The following MICU2 variants were observed in gnomAD, a reference collection of about 807,000 sequenced individuals.
The protein encoded by MICU2 is mitochondrial calcium uptake 2, also known as calcium uptake protein 2, mitochondrial.
MICU2 carries 64 observed loss-of-function variants against 60.4 expected under a neutral mutation model. The ratio of observed to expected loss-of-function variants is 1.06; its 90% CI spans 0.87 to 1.31. The LOEUF is 1.31. Among genes scored for constraint, MICU2 ranks in the 50% most tolerant of loss-of-function variants. MICU2 has a pLI of 0.00. For synonymous variants in MICU2, 201 were observed against 175.0 expected, an observed-to-expected ratio of 1.15 and a Z score of -1.17; for missense variants, 569 against 531.0, an observed-to-expected ratio of 1.07 and a Z score of -0.70.
At chr13:21,550,631 T>G (rs548231836) in intron 2 of MICU2, among the ~76,000 whole-genome samples, 4 of 152,310 alleles carry the variant, frequency 2.6e-5, no homozygotes, top group African/African-American at 4.8e-5. Context: ...AAGCTAGATA[T>G]AGAAAATATT....
chr13:21,591,807 C>T (rs995175547), intron 1 of MICU2, among the ~76,000 whole-genome samples: 25 of 152,090 alleles, frequency 1.6e-4, no homozygotes, highest in African/African-American at 5.8e-4. Context: ...GAGAAATCAA[C>T]AAGTTCTTTG....
intron 9 of MICU2, among the ~76,000 whole-genome samples, chr13:21,501,288 A>G (rs1027049883): frequency 1.3e-5 from 2 of 150,852 alleles, no homozygotes; most frequent in African/African-American, 4.9e-5. Context: ...TTTGACACAG[A>G]GTCTTGCTCT....
intron 2 of MICU2, among the ~76,000 whole-genome samples, chr13:21,561,079 A>C (rs1302835833): frequency 6.6e-6 from 1 of 152,170 alleles, no homozygotes; most frequent in Admixed American, 6.5e-5. Flanking sequence ...TGTGTCATTT[A>C]ATTTCCAAAT....
At chr13:21,562,550 A>T (rs1219456047) in intron 2 of MICU2, among the ~76,000 whole-genome samples, 1 of 152,076 alleles carries the variant, frequency 6.6e-6, no homozygotes, top group Admixed American at 6.6e-5. Context: ...TATTAAAAAT[A>T]TTTTTTTAGT....
At chr13:21,543,602 T>G (rs1276699709) in intron 2 of MICU2, among the ~76,000 whole-genome samples, 2 of 151,940 alleles carry the variant, frequency 1.3e-5, no homozygotes, top group Non-Finnish European at 2.9e-5. Context: ...TGGGAATAAA[T>G]TTAACTGAGG....
chr13:21,539,523 C>G lies in MICU2; in HGVS notation c.390+134G>C. 3 of 1,328,186 alleles carry G rather than the reference C, an allele frequency of 2.3e-6. No individual in the cohort carries two copies. The South Asian group carries it at 3.7e-5, about 17-fold the overall frequency. The allele number at this position is 1,328,186 out of a possible 1,614,324, so 82.3% of individuals were successfully genotyped here. ...TCACTGTGTTAGCCAGGATGGTGAT[C>G]TCCTGACCTCGTGATCCGCCCACCT... On this transcript the variant is annotated intron_variant, in intron 3 of 11. Transcript: ENST00000382374.
chr13:21,559,382 C>T (rs561805993), intron 2 of MICU2, among the ~76,000 whole-genome samples: 85 of 152,304 alleles, frequency 5.6e-4, no homozygotes, highest in Non-Finnish European at 1.0e-3. Flanking sequence ...CATTCTTACA[C>T]ATATATCCCA....
At chr13:21,574,147 A>C (rs2761916) in intron 1 of MICU2, among the ~76,000 whole-genome samples, 51,953 of 151,932 alleles carry the variant, frequency 0.34, 9,334 homozygotes, top group South Asian at 0.41. Context: ...CTGCTGAGGG[A>C]CTGTTGGTGG....
intron 2 of MICU2, among the ~76,000 whole-genome samples, chr13:21,542,408 T>G (rs2138005152): frequency 6.6e-6 from 1 of 152,250 alleles, no homozygotes; most frequent in East Asian, 1.9e-4. Context: ...TTTCCTTCTG[T>G]TTTTGTTTGA....
intron 2 of MICU2, among the ~76,000 whole-genome samples, chr13:21,544,715 T>C (rs1016973650): frequency 2.6e-5 from 4 of 152,124 alleles, no homozygotes; most frequent in Non-Finnish European, 4.4e-5. Context: ...TGCAGTGGCA[T>C]GGTCATAGCT....
At chr13:21,568,386 A>T (rs1888032419) in intron 1 of MICU2, among the ~76,000 whole-genome samples, 1 of 152,182 alleles carries the variant, frequency 6.6e-6, no homozygotes, top group South Asian at 2.1e-4. Context: ...TAATATTGTA[A>T]TGATCTGTAC....
At chr13:21,512,848 G>A (rs1314555631) in intron 7 of MICU2, among the ~76,000 whole-genome samples, 1 of 152,098 alleles carries the variant, frequency 6.6e-6, no homozygotes, top group African/African-American at 2.4e-5. Context: ...TCTTCTAAGA[G>A]CTCTATAAGT....
chr13:21,498,304 T>A (rs535401042), intron 9 of MICU2, among the ~76,000 whole-genome samples: 6 of 151,774 alleles, frequency 4.0e-5, no homozygotes, highest in Middle Eastern at 3.4e-3. Flanking sequence ...CCACTCTGAT[T>A]CCCAGTTCCA....
chr13:21,548,620 A>G (rs1263675430), intron 2 of MICU2, among the ~76,000 whole-genome samples: 1 of 152,248 alleles, frequency 6.6e-6, no homozygotes, highest in Non-Finnish European at 1.5e-5. Flanking sequence ...ACCCAAGGTT[A>G]CAACGGGGCT....
intron 1 of MICU2, among the ~76,000 whole-genome samples, chr13:21,594,685 A>C (rs950367091): frequency 1.2e-4 from 18 of 152,250 alleles, no homozygotes; most frequent in Admixed American, 3.9e-4. Flanking sequence ...ATACCATACA[A>C]TACTATGCAG....
chr13:21,603,776 C>A, intron 1 of MICU2, 163 bp downstream of exon 1: 3 of 772,136 alleles, frequency 3.9e-6, no homozygotes, highest in South Asian at 1.8e-5. Flanking sequence ...GGGGGCCGGT[C>A]CAGGAAGGAG....
chr13:21,547,535 T>C (rs1887445077), intron 2 of MICU2, among the ~76,000 whole-genome samples: 1 of 152,198 alleles, frequency 6.6e-6, no homozygotes, highest in Non-Finnish European at 1.5e-5. Context: ...TTCACCATTA[T>C]ATCCCCAAGG....
chr13:21,546,295 C>CCTT (rs1887416966), intron 2 of MICU2, among the ~76,000 whole-genome samples: 1 of 131,372 alleles, frequency 7.6e-6, no homozygotes, highest in Non-Finnish European at 1.6e-5. Context: ...GATAAAAAGA[C>CCTT]TTTTTTTTTT....
In MICU2 at chr13:21,576,662, T is replaced by C. The variant is rs180746347; in HGVS notation, c.211-9718A>G. 2.2e-4 allele frequency among the ~76,000 whole-genome samples: 33 copies of C among 152,292 alleles called. No individual in the cohort carries two copies. The East Asian group carries it at 6.4e-3, about 29-fold the overall frequency. On this transcript the variant is annotated intron_variant, in intron 1 of 11. Coordinates refer to ENST00000382374, the MANE Select transcript of MICU2 (RefSeq NM_152726.3). The stretch of plus-strand genomic sequence containing the variant: ...TTTCTGTGACCCACTCAGACTTCCA[T>C]ACCCCAGTCCTCAGCAAATGGCTGT...
Sources: allele counts gnomAD v4.1 joint callset (sites outside exome capture counted in the v4.1 genomes callset), GRCh38; gene constraint gnomAD v4.1.1; transcripts MANE v1.5; gene names NCBI Gene and HGNC (gene_info 2026-07-23, HGNC 2026-07-21).